The following SCN8A variants were observed in gnomAD, a reference collection of about 807,000 sequenced individuals.
SCN8A encodes sodium channel protein type 8 subunit alpha.
Under a neutral mutation model 184.1 loss-of-function variants are expected in SCN8A, and 30 were observed. The observed-to-expected ratio is 0.16, with a 90% CI of 0.12 to 0.22. The LOEUF (loss-of-function observed/expected upper bound fraction) is 0.22. SCN8A is among the 10% of genes least tolerant of loss of function. SCN8A has a pLI of 1.00. For missense variants in SCN8A, 1,057 were observed against 2,498.9 expected (o/e 0.42, Z 12.30); for synonymous variants, 852 against 907.0 (o/e 0.94, Z 1.09).
intron 1 of SCN8A, among the ~76,000 whole-genome samples, chr12:51,647,804 C>A (rs555999755): frequency 6.6e-6 from 1 of 152,146 alleles, no homozygotes; most frequent in Admixed American, 6.5e-5. Context: ...ACAGTGTAAA[C>A]CATCCATCTG....
intron 14 of SCN8A, among the ~76,000 whole-genome samples, chr12:51,759,407 T>G (rs1169516117): frequency 6.6e-6 from 1 of 152,202 alleles, no homozygotes; most frequent in Non-Finnish European, 1.5e-5. Context: ...GCAAGTAGTT[T>G]ATACAGCATG....
At chr12:51,756,721 T>C (rs150386135) in intron 14 of SCN8A, among the ~76,000 whole-genome samples, 1 of 152,288 alleles carries the variant, frequency 6.6e-6, no homozygotes, top group Non-Finnish European at 1.5e-5. Flanking sequence ...CTCCCCTCCA[T>C]GTCTGACTCT....
chr12:51,773,922 A>G (rs1474511480), intron 19 of SCN8A, among the ~76,000 whole-genome samples: 1 of 152,202 alleles, frequency 6.6e-6, no homozygotes, highest in Non-Finnish European at 1.5e-5. Context: ...AGGTAATGAA[A>G]ATGTTCTAAA....
intron 12 of SCN8A, among the ~76,000 whole-genome samples, chr12:51,745,596 C>T (rs1162182418): frequency 6.6e-6 from 1 of 152,106 alleles, no homozygotes; most frequent in Admixed American, 6.5e-5. Context: ...ATGACAGTAC[C>T]CCAGGAGGAT....
At chr12:51,755,866 T>C (rs1297638245) in intron 14 of SCN8A, among the ~76,000 whole-genome samples, 1 of 152,172 alleles carries the variant, frequency 6.6e-6, no homozygotes, top group Non-Finnish European at 1.5e-5. Flanking sequence ...TGCCACTATC[T>C]TTGGTATACT....
At chr12:51,601,841 T>A (rs2138558829) in intron 1 of SCN8A, among the ~76,000 whole-genome samples, 1 of 144,150 alleles carries the variant, frequency 6.9e-6, no homozygotes, top group East Asian at 2.0e-4. Context: ...CCAAGGGTGG[T>A]GCTCAGAGAA....
At chr12:51,656,001 T>C (rs1320605609) in intron 1 of SCN8A, among the ~76,000 whole-genome samples, 1 of 152,210 alleles carries the variant, frequency 6.6e-6, no homozygotes, top group Admixed American at 6.5e-5. Flanking sequence ...GCCTCTCTTA[T>C]ATAACTTATG....
chr12:51,721,538 C>T lies in SCN8A; in HGVS notation c.1636-8C>T. 1 of 1,594,896 alleles carries T rather than the reference C, an allele frequency of 6.3e-7. No individual in the cohort carries two copies. The highest frequency in any genetic ancestry group is 8.5e-7 in the Non-Finnish European group (1 of 1,170,078). ...CGTCCCTCTCTCTTTCCCTGTCTGC[C>T]CCTGCAGTCACTGCTCAGCATCCCA... On this transcript the variant is annotated splice_polypyrimidine_tract_variant and splice_region_variant and intron_variant, in intron 11 of 26. Transcript: ENST00000627620.
chr12:51,653,312 G>A (rs1940756597), intron 1 of SCN8A, among the ~76,000 whole-genome samples: 2 of 152,150 alleles, frequency 1.3e-5, no homozygotes, highest in South Asian at 4.1e-4. Context: ...CTGAAACTCT[G>A]TACCAACTAA....
intron 2 of SCN8A, among the ~76,000 whole-genome samples, 194 bp from the exon 3 acceptor site, chr12:51,683,980 A>G (rs996164623): frequency 2.6e-5 from 4 of 152,192 alleles, no homozygotes; most frequent in African/African-American, 9.6e-5. Flanking sequence ...AGCTATTTGT[A>G]TTATAATCTG....
Position 51,751,416 on chromosome 12 carries a change from C to A in SCN8A, c.2193C>A (p.Leu731=). ...GGTATAAATTTGCCAACACTTTCCTCATCTGGGAGTGCCACCCCTACTGGA... is the reference window on the plus strand; with the variant it reads ...GGTATAAATTTGCCAACACTTTCCTAATCTGGGAGTGCCACCCCTACTGGA... The part of the protein sequence containing the change: ...PCWYKFANTF[L]IWECHPYWIK... Residue 731 remains leucine (L), a synonymous_variant, in exon 14 of 27, where the codon CTC becomes CTA. Transcript: ENST00000627620. The A allele has an allele frequency of 6.2e-7, 1 of 1,613,938 alleles. No individual in the cohort carries two copies.
At chr12:51,727,947 C>G (rs1942181336) in intron 12 of SCN8A, among the ~76,000 whole-genome samples, 1 of 151,940 alleles carries the variant, frequency 6.6e-6, no homozygotes, top group African/African-American at 2.4e-5. Context: ...GAGACTCTTT[C>G]TCAAAAAAAA....
chr12:51,631,450 G>C (rs1316108259), intron 1 of SCN8A, among the ~76,000 whole-genome samples: 2 of 152,194 alleles, frequency 1.3e-5, no homozygotes, highest in African/African-American at 4.8e-5. Flanking sequence ...TTATTCTTGT[G>C]GTCCAGCCAC....
At chr12:51,673,111 G>A (rs1289820579) in intron 2 of SCN8A, among the ~76,000 whole-genome samples, 2 of 152,048 alleles carry the variant, frequency 1.3e-5, no homozygotes, top group Non-Finnish European at 2.9e-5. Flanking sequence ...CATACCCATG[G>A]GTTCCACATT....
intron 1 of SCN8A, among the ~76,000 whole-genome samples, chr12:51,640,838 T>A (rs1423691948): frequency 1.3e-5 from 2 of 152,244 alleles, no homozygotes; most frequent in Non-Finnish European, 2.9e-5. Flanking sequence ...GTGAAATCAT[T>A]TGTTATTAAT....
chr12:51,693,955 G>A lies in SCN8A; in HGVS notation c.706+4859G>A, dbSNP rs138275367. On this transcript the variant is annotated intron_variant, in intron 6 of 26. Coordinates refer to ENST00000627620, the MANE Select transcript of SCN8A (RefSeq NM_001330260.2). Reference sequence around the variant, plus strand: ...TTTATACATATATATTTTTTGAGACGGAGTTTCGCTGTTGTCACGCAGGCT... The same window carrying A: ...TTTATACATATATATTTTTTGAGACAGAGTTTCGCTGTTGTCACGCAGGCT... 9.0e-3 allele frequency among the ~76,000 whole-genome samples: 1,376 copies of A among 152,158 alleles called. 10 individuals are homozygous for A. The highest frequency in any genetic ancestry group is 0.014 in the Non-Finnish European group (944 of 67,994).
intron 12 of SCN8A, among the ~76,000 whole-genome samples, chr12:51,728,957 A>G (rs1391214533): frequency 3.3e-5 from 5 of 151,898 alleles, no homozygotes; most frequent in African/African-American, 9.7e-5. Flanking sequence ...CCCTTTTCTC[A>G]CCTGTAAATC....
intron 2 of SCN8A, among the ~76,000 whole-genome samples, chr12:51,675,451 C>T (rs1941206768): frequency 6.6e-6 from 1 of 152,140 alleles, no homozygotes; most frequent in Admixed American, 6.5e-5. Flanking sequence ...GAGAAAAGAC[C>T]ATAAACAGCA....
chr12:51,651,435 C>T (rs1052521317), intron 1 of SCN8A, among the ~76,000 whole-genome samples: 6 of 152,196 alleles, frequency 3.9e-5, no homozygotes, highest in African/African-American at 1.4e-4. Context: ...GAACTCCTAA[C>T]CTCGTGATCC....
Sources: gnomAD v4.1 joint callset for allele counts (sites outside exome capture counted in the v4.1 genomes callset) on GRCh38, gnomAD v4.1.1 for gene constraint, MANE v1.5 for transcripts, NCBI Gene and HGNC (gene_info 2026-07-23, HGNC 2026-07-21) for gene names.